LSAMP: variants seen among roughly 807,000 people sequenced by gnomAD.
The protein encoded by LSAMP is limbic system-associated membrane protein.
Under a neutral mutation model 38.6 loss-of-function variants are expected in LSAMP, and 7 were observed. The ratio of observed to expected loss-of-function variants is 0.18; its 90% CI spans 0.10 to 0.34. LSAMP has a LOEUF of 0.34. LSAMP is among the 10% of genes least tolerant of loss of function. The probability of loss-of-function intolerance (pLI) is 1.00; values close to 1 mark genes in which losing one functional copy is unlikely to be tolerated. For synonymous variants in LSAMP, 154 were observed against 166.8 expected, an observed-to-expected ratio of 0.92 and a Z score of 0.59; for missense variants, 313 against 420.0, an observed-to-expected ratio of 0.75 and a Z score of 2.23.
At chr3:116,347,926 C>T (rs1231264490) in intron 1 of LSAMP, among the ~76,000 whole-genome samples, 2 of 151,880 alleles carry the variant, frequency 1.3e-5, no homozygotes, top group African/African-American at 2.4e-5. Flanking sequence ...CTGCCCATCA[C>T]TTAGCCAGTA....
chr3:116,098,654 T>C (rs1708277459), intron 1 of LSAMP, among the ~76,000 whole-genome samples: 1 of 152,220 alleles, frequency 6.6e-6, no homozygotes, highest in Non-Finnish European at 1.5e-5. Context: ...TCCAGAATTA[T>C]TTTCTTCAGC....
At chr3:116,054,217 A>G (rs757358696) in intron 2 of LSAMP, among the ~76,000 whole-genome samples, 7 of 152,162 alleles carry the variant, frequency 4.6e-5, no homozygotes, top group Non-Finnish European at 7.4e-5. Flanking sequence ...TTGACTCTGA[A>G]GCTATGTTTT....
chr3:116,187,396 C>T (rs1009263482), intron 1 of LSAMP, among the ~76,000 whole-genome samples: 1 of 152,064 alleles, frequency 6.6e-6, no homozygotes, highest in African/African-American at 2.4e-5. Context: ...AACTGCTTTT[C>T]AATACTAGCT....
chr3:115,966,571 A>C (rs997130176), intron 3 of LSAMP, among the ~76,000 whole-genome samples: 3 of 152,064 alleles, frequency 2.0e-5, no homozygotes, highest in African/African-American at 7.2e-5. Flanking sequence ...ATCAGGAAAC[A>C]AAAAAAATGT....
intron 2 of LSAMP, among the ~76,000 whole-genome samples, chr3:116,023,345 A>C (rs1940690786): frequency 6.6e-6 from 1 of 152,012 alleles, no homozygotes; most frequent in South Asian, 2.1e-4. Context: ...CTGTAATCCC[A>C]GCACTTTGGG....
At chr3:116,333,393 G>T (rs1371458574) in intron 1 of LSAMP, among the ~76,000 whole-genome samples, 2 of 151,996 alleles carry the variant, frequency 1.3e-5, no homozygotes, top group Non-Finnish European at 2.9e-5. Flanking sequence ...GCAAAAATTA[G>T]CAAGGTGTGG....
At chr3:116,366,915 A>G (rs769774792) in intron 1 of LSAMP, among the ~76,000 whole-genome samples, 1 of 152,152 alleles carries the variant, frequency 6.6e-6, no homozygotes, top group Non-Finnish European at 1.5e-5. Flanking sequence ...CATTGCCTAG[A>G]CCTTCACAAA....
Position 116,099,461 on chromosome 3 carries a change from C to T in LSAMP, c.156-12905G>A, listed in dbSNP as rs771354403. On this transcript the variant is annotated intron_variant, in intron 1 of 6. Coordinates refer to ENST00000490035, the MANE Select transcript of LSAMP (RefSeq NM_002338.5). ...TGGGTTAATTATCGCCATTTAGTCA[C>T]GACTTCCTGACACAGCACCAGAAAT... Among the ~76,000 whole-genome samples, 84 of 152,126 alleles carry T rather than the reference C, an allele frequency of 5.5e-4. 3 individuals are homozygous for T. The highest frequency in any genetic ancestry group is 2.9e-5 in the Non-Finnish European group (2 of 68,028).
chr3:116,226,547 G>T (rs1297303554), intron 1 of LSAMP, among the ~76,000 whole-genome samples: 1 of 152,140 alleles, frequency 6.6e-6, no homozygotes, highest in Non-Finnish European at 1.5e-5. Flanking sequence ...AGCACTCAAG[G>T]CCCCAGGAAT....
At chr3:116,086,097 A>G (rs922392010) in intron 2 of LSAMP, among the ~76,000 whole-genome samples, 3 of 152,174 alleles carry the variant, frequency 2.0e-5, no homozygotes, top group Non-Finnish European at 2.9e-5. Flanking sequence ...GGCTAGGTGA[A>G]AACATTCTCA....
At chr3:116,249,351 T>C (rs1165609353) in intron 1 of LSAMP, among the ~76,000 whole-genome samples, 1 of 151,512 alleles carries the variant, frequency 6.6e-6, no homozygotes, top group Non-Finnish European at 1.5e-5. Context: ...TGGAAGCTAG[T>C]AGTTCTCAGA....
intron 3 of LSAMP, among the ~76,000 whole-genome samples, chr3:116,002,996 T>C (rs1940046413): frequency 6.6e-6 from 1 of 152,186 alleles, no homozygotes; most frequent in Admixed American, 6.5e-5. Flanking sequence ...ACTGTGATAG[T>C]ATTTTTTTAA....
chr3:116,187,252 G>A (rs908811354), intron 1 of LSAMP, among the ~76,000 whole-genome samples: 1 of 152,098 alleles, frequency 6.6e-6, no homozygotes, highest in Non-Finnish European at 1.5e-5. Flanking sequence ...GGCTCAAGGG[G>A]AAACCAAAGA....
intron 1 of LSAMP, among the ~76,000 whole-genome samples, chr3:116,268,664 A>G (rs1474029857): frequency 1.4e-5 from 2 of 144,012 alleles, no homozygotes; most frequent in Middle Eastern, 3.2e-3. Context: ...AAGATTTCCA[A>G]AGTGTTTTTG....
intron 1 of LSAMP, among the ~76,000 whole-genome samples, chr3:116,290,162 C>T (rs2047245429): frequency 1.3e-5 from 2 of 152,022 alleles, no homozygotes; most frequent in African/African-American, 4.8e-5. Context: ...CTCATTTAGT[C>T]AAAAAGATCT....
At chr3:116,040,369 C>T (rs561171912) in intron 2 of LSAMP, among the ~76,000 whole-genome samples, 11 of 152,294 alleles carry the variant, frequency 7.2e-5, no homozygotes, top group Admixed American at 2.0e-4. Context: ...AGTTGTCCAA[C>T]GGTCTCAGAT....
At chr3:116,313,173 A>G (rs924840599) in intron 1 of LSAMP, among the ~76,000 whole-genome samples, 1 of 152,194 alleles carries the variant, frequency 6.6e-6, no homozygotes, top group African/African-American at 2.4e-5. Flanking sequence ...GAGACAACAT[A>G]CTATTCCATG....
At chr3:116,032,325 C>T (rs1468553955) in intron 2 of LSAMP, among the ~76,000 whole-genome samples, 2 of 152,042 alleles carry the variant, frequency 1.3e-5, no homozygotes, top group Admixed American at 6.6e-5. Context: ...ACCACATGCC[C>T]GTGTGATAGC....
At chr3:116,428,500 A>G (rs1226996033) in intron 1 of LSAMP, among the ~76,000 whole-genome samples, 2 of 152,226 alleles carry the variant, frequency 1.3e-5, no homozygotes, top group Non-Finnish European at 2.9e-5. Context: ...ACTTTTTAAA[A>G]AACCTACCAT....
Sources: allele counts gnomAD v4.1 joint callset (sites outside exome capture counted in the v4.1 genomes callset), GRCh38; gene constraint gnomAD v4.1.1; transcripts MANE v1.5; gene names NCBI Gene and HGNC (gene_info 2026-07-23, HGNC 2026-07-21).